Variants in TSR1 observed in about 807,000 individuals in gnomAD.
TSR1 encodes the protein TSR1 ribosome maturation factor, also known as pre-rRNA-processing protein TSR1 homolog.
TSR1 carries 81 observed loss-of-function variants against 90.9 expected under a neutral mutation model. The ratio of observed to expected loss-of-function variants is 0.89; its 90% confidence interval spans 0.74 to 1.07. TSR1 has a LOEUF of 1.07. TSR1 is among the 50% of genes least tolerant of loss of function. The pLI, the probability that TSR1 is intolerant of heterozygous loss-of-function variation, is 0.00. For missense variants in TSR1, 989 were observed against 987.3 expected (o/e 1.00, Z -0.02); for synonymous variants, 362 against 348.8 (o/e 1.04, Z -0.42).
chr17:2,336,275 G>C (rs902284825), intron 1 of TSR1, 56 bp downstream of exon 1: 98 of 1,610,640 alleles, frequency 6.1e-5, no homozygotes, highest in Non-Finnish European at 8.2e-5. Flanking sequence ...TGGGCATGAG[G>C]AAAAAGAGTT....
chr17:2,324,571 C>T lies in TSR1; in HGVS notation c.2169G>A (p.Val723=). The T allele has an allele frequency of 6.2e-7, 1 of 1,614,184 alleles. No homozygotes were observed. The highest frequency in any genetic ancestry group is 8.5e-7 in the Non-Finnish European group (1 of 1,180,036). The change falls in exon 14 of 15, where the codon GTG becomes GTA. Residue 723 remains valine, a synonymous_variant. Coordinates refer to ENST00000301364, the MANE Select transcript of TSR1 (RefSeq NM_018128.5). ...VRYMFFNRED[V]LWFKPVELRT... is the part of the protein sequence containing the mutation. ...TCAGTTCCACTGGTTTAAACCACAG[C>T]ACATCCTCTTAGAATCAAACACATT...
At chr17:2,332,398 C>T (rs748500193) in intron 7 of TSR1, 39 bp from the exon 8 acceptor site, 23 of 1,532,434 alleles carry the variant, frequency 1.5e-5, no homozygotes, top group Non-Finnish European at 1.8e-5. Context: ...AAGAAATCCA[C>T]ACCTGTCTCT....
chr17:2,332,319 G>A lies in TSR1; in HGVS notation c.1346C>T (p.Thr449Ile), dbSNP rs376476961. The change falls in exon 8 of 15, where the codon ACT becomes ATT. Residue 449 changes from threonine (T) to isoleucine (I), a missense_variant. By Grantham distance (89) the Thr-to-Ile change is moderately conservative. Transcript: ENST00000301364. ...SEEEEEYETM[T>I]IGESVHDDLY... is the part of the protein sequence containing the mutation. ...ATCATCATGCACAGACTCCCCAATAGTCATAGTTTCATATTCTTCCTCTTC... is the reference window on the plus strand; with the variant it reads ...ATCATCATGCACAGACTCCCCAATAATCATAGTTTCATATTCTTCCTCTTC... The A allele has an allele frequency of 3.1e-6, 5 of 1,608,264 alleles. No homozygotes were observed. Among genetic ancestry groups the A allele is most frequent in the Middle Eastern group, 1.7e-4 (1 of 6,044 alleles).
intron 5 of TSR1, among the ~76,000 whole-genome samples, 192 bp downstream of exon 5, chr17:2,334,280 A>G (rs2064028875): frequency 6.6e-6 from 1 of 152,250 alleles, no homozygotes; most frequent in African/African-American, 2.4e-5. Context: ...ACTCAGAGCC[A>G]ATCACAGTGC....
chr17:2,335,612 T>A lies in TSR1; in HGVS notation c.320A>T (p.Asp107Val), dbSNP rs2064055707. ...TTCATTCAAGTGTACTGTTCCAGTG[T>A]CCCTATCTTGAAGCAGCTGCATGGC... ...PEAMQLLQDR[D>V]TGTVHLNELG... is the part of the protein sequence containing the mutation. The change falls in exon 3 of 15, where the codon GAC becomes GTC. Residue 107 changes from aspartate (D) to valine (V), a missense_variant. Coordinates refer to ENST00000301364, the MANE Select transcript of TSR1 (RefSeq NM_018128.5). The A allele has an allele frequency of 6.2e-7, 1 of 1,614,170 alleles. No individual in the cohort carries two copies. The highest frequency in any genetic ancestry group is 8.5e-7 in the Non-Finnish European group (1 of 1,180,028).
chr17:2,326,222 CTT>C (rs1305232405), intron 11 of TSR1, among the ~76,000 whole-genome samples: 2 of 152,038 alleles, frequency 1.3e-5, no homozygotes, highest in African/African-American at 4.8e-5. Flanking sequence ...ATTAATCTCA[CTT>C]AGAGATTGTG....
Position 2,332,365 on chromosome 17 carries a change from G to A in TSR1, c.1306-6C>T. On this transcript the variant is annotated splice_polypyrimidine_tract_variant and splice_region_variant and intron_variant, in intron 7 of 14. Coordinates refer to ENST00000301364, the MANE Select transcript of TSR1 (RefSeq NM_018128.5). ...TCTTCTTCACTACTCTCATCCTGTA[G>A]AATAGGATTACAGTTTTTTCAGAAG... The A allele has an allele frequency of 6.3e-7, 1 of 1,581,244 alleles. No homozygotes were observed.
chr17:2,332,472 A>G, intron 7 of TSR1, 113 bp from the exon 8 acceptor site: 1 of 899,644 alleles, frequency 1.1e-6, no homozygotes, highest in East Asian at 2.5e-5. Flanking sequence ...CAACCAACAT[A>G]AATTCTAATA....
At position 2,323,444 on chromosome 17, in the gene TSR1, C is replaced by A; in HGVS notation, c.*752G>T. Reference sequence around the variant, plus strand: ...TAGCAAGTGACCCACGGGAACCTGACTAGGTAACTTCATGACATGGGAGGG... The same window carrying A: ...TAGCAAGTGACCCACGGGAACCTGAATAGGTAACTTCATGACATGGGAGGG... On this transcript the variant is annotated 3_prime_UTR_variant, in exon 15 of 15. Transcript: ENST00000301364. 1.4e-6 allele frequency: 2 copies of A among 1,392,788 alleles called. No individual in the cohort carries two copies. The highest frequency in any genetic ancestry group is 1.2e-5 in the South Asian group (1 of 81,194). 86.3% of individuals were successfully genotyped at this position (1,392,788 alleles called of 1,614,324 possible). A position where few individuals can be genotyped will look rare whatever the true frequency, so the allele number is the denominator to read the frequency against.
At position 2,323,918 on chromosome 17, in the gene TSR1, G is replaced by T; in HGVS notation, c.*278C>A. On this transcript the variant is annotated 3_prime_UTR_variant, in exon 15 of 15. Transcript: ENST00000301364. ...TGGGAATTCAGTGTCTTTAGATACT[G>T]AAGACATTTTGTTTCCTAGTATTGT... The T allele has an allele frequency of 6.5e-7, 1 of 1,536,116 alleles. No homozygotes were observed. Among genetic ancestry groups the T allele is most frequent in the East Asian group, 2.3e-5 (1 of 44,394 alleles).
At chr17:2,334,342 A>T in intron 5 of TSR1, 130 bp downstream of exon 5, 1 of 976,042 alleles carries the variant, frequency 1.0e-6, no homozygotes, top group South Asian at 1.6e-5. Context: ...CCTATTTATA[A>T]CTGACTATTG....
intron 4 of TSR1, 128 bp downstream of exon 4, chr17:2,335,131 AT>A: frequency 8.7e-7 from 1 of 1,145,846 alleles, no homozygotes; most frequent in Non-Finnish European, 1.2e-6. Context: ...TAAACAATGG[AT>A]CAAGTTTAAT....
intron 10 of TSR1, 52 bp from the exon 11 acceptor site, chr17:2,329,527 G>C: frequency 6.2e-7 from 1 of 1,600,158 alleles, no homozygotes; most frequent in Non-Finnish European, 8.5e-7. Context: ...GAATACAATT[G>C]CCTAAACTGA....
chr17:2,334,941 C>T (rs1194862001), intron 4 of TSR1, 45 bp from the exon 5 acceptor site: 1 of 1,558,442 alleles, frequency 6.4e-7, no homozygotes, highest in Non-Finnish European at 8.6e-7. Flanking sequence ...TGCTTCATTA[C>T]ATAAAAATCC....
In TSR1 at chr17:2,335,582, C is replaced by A; in HGVS notation, c.350G>T (p.Gly117Val). 1 of 1,614,182 alleles carries A rather than the reference C, an allele frequency of 6.2e-7. No individual in the cohort carries two copies. The highest frequency in any genetic ancestry group is 8.5e-7 in the Non-Finnish European group (1 of 1,180,040). ...CAGCAGCATAAAGTTCTGGGTGTTT[C>A]CCAATTCATTCAAGTGTACTGTTCC... ...DTGTVHLNEL[G>V]NTQNFMLLCP... The change falls in exon 3 of 15, where the codon GGA (glycine) becomes GTA (valine). Residue 117 changes from glycine (G) to valine (V), a missense_variant. By Grantham distance (109) the Gly-to-Val change is moderately radical (BLOSUM62 -3). Coordinates refer to ENST00000301364, the MANE Select transcript of TSR1 (RefSeq NM_018128.5).
rs1055561017 is a variant in TSR1 at position 2,333,608 on chromosome 17, T to C, written c.1090A>G (p.Met364Val). 6.8e-6 allele frequency: 11 copies of C among 1,614,020 alleles called. No homozygotes were observed. Among genetic ancestry groups the C allele is most frequent in the East Asian group, 2.2e-5 (1 of 44,898 alleles). ...SLQAEVIPDP[M>V]EGEQTWPTEE... The stretch of plus-strand genomic sequence containing the variant: ...GTGGGCCAGGTTTGCTCTCCCTCCA[T>C]TGGATCTGGGATAACCTCTGCTTGC... Residue 364 changes from methionine (M) to valine (V), a missense_variant, in exon 6 of 15, where the codon ATG becomes GTG. Physicochemically the swap from Met to Val is conservative, Grantham distance 21. Coordinates refer to ENST00000301364, the MANE Select transcript of TSR1 (RefSeq NM_018128.5).
At chr17:2,326,821 T>C (rs2075578467) in intron 11 of TSR1, among the ~76,000 whole-genome samples, 1 of 152,130 alleles carries the variant, frequency 6.6e-6, no homozygotes, top group South Asian at 2.1e-4. Flanking sequence ...AGAAAAATTT[T>C]TGGCCGGGCG....
intron 8 of TSR1, among the ~76,000 whole-genome samples, chr17:2,331,375 T>C (rs980976960): frequency 6.6e-6 from 1 of 152,196 alleles, no homozygotes; most frequent in Non-Finnish European, 1.5e-5. Flanking sequence ...CCCAATCTCA[T>C]ACTGAAATAC....
intron 11 of TSR1, 56 bp downstream of exon 11, chr17:2,329,287 C>A: frequency 1.9e-6 from 3 of 1,611,720 alleles, no homozygotes; most frequent in Non-Finnish European, 2.5e-6. Flanking sequence ...CCCTCCACCA[C>A]AAGTCACTTT....
Sources: allele counts gnomAD v4.1 joint callset (sites outside exome capture counted in the v4.1 genomes callset), GRCh38; gene constraint gnomAD v4.1.1; transcripts MANE v1.5; gene names NCBI Gene and HGNC (gene_info 2026-07-23, HGNC 2026-07-21).